MAGED1: variants seen among roughly 807,000 people sequenced by gnomAD.
The protein encoded by MAGED1 is MAGE family member D1, also known as melanoma-associated antigen D1.
MAGED1 carries 3 observed loss-of-function variants against 54.1 expected under a neutral mutation model. That is an observed-to-expected ratio of 0.06 (90% CI 0.03 to 0.14). The LOEUF (loss-of-function observed/expected upper bound fraction) is 0.14. Among genes scored for constraint, MAGED1 ranks in the 10% least tolerant of loss-of-function variants. The pLI is 1.00. For missense variants in MAGED1, 485 were observed against 623.4 expected (o/e 0.78, Z 2.36); for synonymous variants, 217 against 227.3 (o/e 0.95, Z 0.41).
chrX:51,895,503 T>C lies in MAGED1; in HGVS notation c.496T>C (p.Ser166Pro). 8.3e-7 allele frequency: 1 copy of C among 1,210,367 alleles called. No individual in the cohort carries two copies. Among genetic ancestry groups the C allele is most frequent in the South Asian group, 1.8e-5 (1 of 56,505 alleles). Residue 166 changes from serine (S) to proline (P), a missense_variant, in exon 3 of 13, where the codon TCT becomes CCT. Physicochemically the swap from Ser to Pro is moderately conservative, Grantham distance 74 (BLOSUM62 -1). Transcript: ENST00000326587. ...AAATGCCACCTACAATTTCTCTCAG[T>C]CTCTCAATGCCAATGACCTGGCCAA... Reference protein sequence around the residue: ...GPNATYNFSQSLNANDLANSR... With the variant: ...GPNATYNFSQPLNANDLANSR...
At chrX:51,810,942 G>A (rs1925197115) in intron 1 of MAGED1, among the ~76,000 whole-genome samples, 2 of 111,858 alleles carry the variant, frequency 1.8e-5, no homozygotes, top group African/African-American at 3.2e-5. Context: ...ACATGAAGAT[G>A]TAAAATGTTG....
intron 1 of MAGED1, among the ~76,000 whole-genome samples, chrX:51,810,505 A>G (rs1286208342): frequency 2.7e-5 from 3 of 111,971 alleles, no homozygotes. Flanking sequence ...GCTTACTATC[A>G]TGTATCTGGT....
rs782365744 is a variant in MAGED1 at position 51,896,723 on chromosome X, G to T, written c.1068G>T (p.Trp356Cys). The change falls in exon 4 of 13, where the codon TGG becomes TGT. Residue 356 changes from tryptophan to cysteine, a missense_variant. By Grantham distance (215) the Trp-to-Cys change is radical (BLOSUM62 -2). Around this residue, in one of 2 missense-constraint regions of MAGED1, gnomAD observed 299 missense variants for 293.1 expected, o/e 1.02. Transcript: ENST00000326587. The stretch of plus-strand genomic sequence containing the variant: ...TAATCTGGCAGAACCCAGTGATCTG[G>T]CCAAACCCCATTGTCTGGCCCGGCC... ...NPVIWQNPVI[W>C]PNPIVWPGPV... The T allele has an allele frequency of 3.3e-6, 4 of 1,210,655 alleles. No homozygotes were observed. The highest frequency in any genetic ancestry group is 4.4e-5 in the Admixed American group (2 of 45,934).
chrX:51,838,712 T>G (rs782325260), intron 1 of MAGED1, among the ~76,000 whole-genome samples: 3 of 111,847 alleles, frequency 2.7e-5, no homozygotes, highest in Admixed American at 1.9e-4. Flanking sequence ...CTAAAAATCA[T>G]GTCTTTATGA....
intron 1 of MAGED1, among the ~76,000 whole-genome samples, chrX:51,871,058 C>G (rs1380744428): frequency 8.9e-6 from 1 of 112,407 alleles, no homozygotes; most frequent in Admixed American, 9.3e-5. Context: ...TTAATGGCCT[C>G]GGTGACAACA....
chrX:51,867,589 T>C (rs1557361190), intron 1 of MAGED1, among the ~76,000 whole-genome samples: 2 of 111,886 alleles, frequency 1.8e-5, no homozygotes, highest in African/African-American at 6.5e-5. Context: ...TTGAAGGGTA[T>C]ATCTGCCTTC....
At chrX:51,832,690 T>A (rs1311929092) in intron 1 of MAGED1, among the ~76,000 whole-genome samples, 1 of 111,501 alleles carries the variant, frequency 9.0e-6, no homozygotes, top group Non-Finnish European at 1.9e-5. Context: ...TAATGTGTCT[T>A]CTTACCTCTT....
chrX:51,894,887 C>A, intron 2 of MAGED1, 166 bp from the exon 3 acceptor site: 1 of 997,524 alleles, frequency 1.0e-6, no homozygotes, highest in East Asian at 3.1e-5. Flanking sequence ...CCTGGTCCCC[C>A]ATCGCCCCTC....
At chrX:51,870,236 T>C (rs1292449282) in intron 1 of MAGED1, among the ~76,000 whole-genome samples, 5 of 112,044 alleles carry the variant, frequency 4.5e-5, no homozygotes, top group African/African-American at 6.5e-5. Context: ...TTTACTGTAA[T>C]ATCATTTTTT....
At chrX:51,834,472 T>A (rs1557357746) in intron 1 of MAGED1, among the ~76,000 whole-genome samples, 2 of 112,364 alleles carry the variant, frequency 1.8e-5, no homozygotes, top group African/African-American at 6.5e-5. Context: ...GTTTGTTTGG[T>A]ATCATTGGTG....
At chrX:51,887,426 C>G (rs1443894936) in intron 1 of MAGED1, among the ~76,000 whole-genome samples, 1 of 111,742 alleles carries the variant, frequency 8.9e-6, no homozygotes, top group Non-Finnish European at 1.9e-5. Context: ...AGAAATCATT[C>G]TATTCAAATT....
intron 1 of MAGED1, among the ~76,000 whole-genome samples, chrX:51,811,487 C>T (rs143058580): frequency 9.0e-6 from 1 of 111,659 alleles, no homozygotes; most frequent in Non-Finnish European, 1.9e-5. Flanking sequence ...ATTTTGGGAC[C>T]GTGAGTGTGG....
intron 1 of MAGED1, among the ~76,000 whole-genome samples, chrX:51,866,033 C>G (rs782030302): frequency 8.2e-4 from 92 of 112,105 alleles, no homozygotes; most frequent in African/African-American, 2.9e-3. Context: ...GAACCATAAA[C>G]TAATTAAACC....
intron 1 of MAGED1, among the ~76,000 whole-genome samples, chrX:51,845,655 T>C (rs1926657398): frequency 1.8e-5 from 2 of 111,986 alleles, no homozygotes; most frequent in Admixed American, 1.9e-4. Flanking sequence ...TGATGAGATT[T>C]GAGACTTTTG....
chrX:51,874,842 G>A (rs1291519988), intron 1 of MAGED1, among the ~76,000 whole-genome samples: 2 of 109,136 alleles, frequency 1.8e-5, no homozygotes, highest in African/African-American at 6.7e-5. Flanking sequence ...TTTTTAATTC[G>A]ATGCCAGGCA....
chrX:51,830,952 C>A (rs782219007), intron 1 of MAGED1, among the ~76,000 whole-genome samples: 3 of 112,027 alleles, frequency 2.7e-5, no homozygotes, highest in Non-Finnish European at 5.6e-5. Context: ...ACCTCTGCTT[C>A]CCTGGTTCAA....
upstream of MAGED1, among the ~76,000 whole-genome samples, chrX:51,890,577 G>A (rs782223637): frequency 9.0e-6 from 1 of 110,991 alleles, no homozygotes; most frequent in Admixed American, 9.6e-5. Context: ...GAATATATAT[G>A]ACCTTACTAA....
chrX:51,886,833 A>G (rs1174330694), intron 1 of MAGED1, among the ~76,000 whole-genome samples: 1 of 110,738 alleles, frequency 9.0e-6, no homozygotes, highest in Non-Finnish European at 1.9e-5. Flanking sequence ...GGCGGGAGCA[A>G]TCACTTCAGC....
chrX:51,813,741 T>TG (rs1925308261), intron 1 of MAGED1, among the ~76,000 whole-genome samples: 1 of 111,457 alleles, frequency 9.0e-6, no homozygotes, highest in Non-Finnish European at 1.9e-5. Context: ...ACAGCCATCA[T>TG]GGGGGGAAGG....
Sources: allele counts gnomAD v4.1 joint callset (sites outside exome capture counted in the v4.1 genomes callset), GRCh38; gene constraint gnomAD v4.1.1; regional missense constraint gnomAD v4.1.1; transcripts MANE v1.5; gene names NCBI Gene and HGNC (gene_info 2026-07-23, HGNC 2026-07-21).